ABCB5: variants seen among roughly 807,000 people sequenced by gnomAD.
ABCB5 encodes the protein ATP binding cassette subfamily B member 5.
A neutral mutation model predicts 144.2 loss-of-function variants in ABCB5; 155 were observed. The observed-to-expected ratio is 1.08, with a 90% CI of 0.94 to 1.23. ABCB5 has a LOEUF of 1.23. ABCB5 is among the 50% of genes most tolerant of loss of function. The pLI is 0.00. For synonymous variants in ABCB5, 610 were observed against 528.6 expected (o/e 1.15, Z -2.11); for missense variants, 1,830 against 1,520.8 (o/e 1.20, Z -3.38).
rs942401306 is a variant in ABCB5 at position 20,727,254 on chromosome 7, A to G, written c.2726+114A>G. 3 of 610,588 alleles carry G rather than the reference A, an allele frequency of 4.9e-6. No homozygotes were observed. In the African/African-American group the frequency reaches 5.7e-5, roughly 12 times the overall value. The allele number at this position is 610,588 out of a possible 1,614,324, so 37.8% of individuals were successfully genotyped here. ...TTCATTTGCTCTTGAGCCTTTCCTA[A>G]TAATGTCATGTCATAATTTCTCATA... is the stretch of plus-strand genomic sequence containing the variant. On this transcript the variant is annotated intron_variant, in intron 22 of 27. Coordinates refer to ENST00000404938, the MANE Select transcript of ABCB5 (RefSeq NM_001163941.2).
rs766944185 is a variant in ABCB5 at position 20,745,390 on chromosome 7, A to G, written c.3381A>G (p.Glu1127=). 1.9e-6 allele frequency: 3 copies of G among 1,614,242 alleles called. No homozygotes were observed. The highest frequency in any genetic ancestry group is 2.5e-6 in the Non-Finnish European group (3 of 1,180,038). ...SRVVPLDEIK[E]AANAANIHSF... ...TGGTGCCATTAGATGAGATCAAAGA[A>G]GCCGCAAATGCAGCAAATATCCATT... Residue 1127 remains glutamate (E), a synonymous_variant, in exon 26 of 28, where the codon GAA becomes GAG. Transcript: ENST00000404938.
chr7:20,753,365 CA>C lies in ABCB5; in HGVS notation c.3437del (p.Asn1146ThrfsTer6). On this transcript the variant is annotated frameshift_variant, in exon 27 of 28. Coordinates refer to ENST00000404938, the MANE Select transcript of ABCB5 (RefSeq NM_001163941.2). LOFTEE classifies it high-confidence loss of function. ...ATTGCATGCTCCTGTGATAGAAATA[CA>C]ACACACAAGTTGGACTGAAAGGAGC... The part of the protein sequence containing the change: ...SFIEGLPEKY[N>X]TQVGLKGAQL... 3.7e-6 allele frequency: 6 copies of C among 1,611,336 alleles called. No homozygotes were observed. Among genetic ancestry groups the C allele is most frequent in the Non-Finnish European group, 5.1e-6 (6 of 1,178,554 alleles).
intron 7 of ABCB5, 123 bp from the exon 8 acceptor site, chr7:20,645,633 C>A: frequency 8.2e-7 from 1 of 1,222,686 alleles, no homozygotes; most frequent in Non-Finnish European, 1.1e-6. Flanking sequence ...TTTAAAAATA[C>A]AGAGATAAAG....
chr7:20,681,780 G>C, intron 15 of ABCB5, 114 bp downstream of exon 15: 1 of 1,177,248 alleles, frequency 8.5e-7, no homozygotes, highest in South Asian at 1.6e-5. Flanking sequence ...AAGCAACCAA[G>C]GTTTATAGTT....
Position 20,755,579 on chromosome 7 carries a change from T to G in ABCB5, c.3729T>G (p.Asn1243Lys). 1.9e-6 allele frequency: 3 copies of G among 1,614,162 alleles called. No homozygotes were observed. The highest frequency in any genetic ancestry group is 2.5e-6 in the Non-Finnish European group (3 of 1,180,020). Residue 1243 changes from asparagine (N) to lysine (K), a missense_variant, in exon 28 of 28, where the codon AAT becomes AAG. By Grantham distance (94) the Asn-to-Lys change is moderately conservative. Transcript: ENST00000404938. Reference sequence around the variant, plus strand: ...GAACTCATCAAGAGCTCCTGAGAAATCGAGACATATATTTTAAGTTAGTGA... The same window carrying G: ...GAACTCATCAAGAGCTCCTGAGAAAGCGAGACATATATTTTAAGTTAGTGA... ...EQGTHQELLR[N>K]RDIYFKLVNA...
chr7:20,737,591 T>G (rs1356120856), intron 23 of ABCB5, among the ~76,000 whole-genome samples: 1 of 152,172 alleles, frequency 6.6e-6, no homozygotes, highest in Non-Finnish European at 1.5e-5. Context: ...AGAAGCTATT[T>G]TCTCAGTTAT....
At chr7:20,664,956 C>T (rs1785125229) in intron 14 of ABCB5, among the ~76,000 whole-genome samples, 1 of 151,948 alleles carries the variant, frequency 6.6e-6, no homozygotes, top group African/African-American at 2.4e-5. Context: ...TTTAAAAGTT[C>T]AATGAAGAGA....
chr7:20,626,644 A>G (rs1470048929), intron 3 of ABCB5, 33 bp downstream of exon 3: 5 of 1,558,292 alleles, frequency 3.2e-6, no homozygotes, highest in African/African-American at 2.7e-5. Flanking sequence ...TACATGCATT[A>G]GAAGATTTTA....
chr7:20,690,738 C>T (rs1222998570), intron 16 of ABCB5, among the ~76,000 whole-genome samples: 1 of 152,124 alleles, frequency 6.6e-6, no homozygotes, highest in Non-Finnish European at 1.5e-5. Flanking sequence ...GAATGAGAGT[C>T]AGGACCCTGC....
chr7:20,651,980 T>C (rs993964944), intron 13 of ABCB5, among the ~76,000 whole-genome samples: 1 of 152,088 alleles, frequency 6.6e-6, no homozygotes, highest in Non-Finnish European at 1.5e-5. Context: ...GAAGAATGCA[T>C]AGTAACAACC....
intron 20 of ABCB5, among the ~76,000 whole-genome samples, chr7:20,708,084 G>C (rs1240137665): frequency 6.6e-6 from 1 of 152,060 alleles, no homozygotes; most frequent in Non-Finnish European, 1.5e-5. Context: ...GATTACAGGC[G>C]TGAGCCACCG....
intron 1 of ABCB5, among the ~76,000 whole-genome samples, chr7:20,618,837 C>T (rs1355117932): frequency 1.0e-4 from 13 of 124,508 alleles, no homozygotes; most frequent in East Asian, 2.8e-4. Flanking sequence ...TGCAGTGGCA[C>T]GATCTCAGCT....
intron 20 of ABCB5, among the ~76,000 whole-genome samples, chr7:20,711,790 T>TC (rs1787053199): frequency 2.2e-5 from 1 of 46,060 alleles, no homozygotes; most frequent in African/African-American, 1.0e-4. Context: ...CTTTCTTTCT[T>TC]TCTTTCTTTC....
rs543797293 is a variant in ABCB5, at chr7:20,743,949, A to G, written c.3222+875A>G. On this transcript the variant is annotated intron_variant, in intron 25 of 27. Transcript: ENST00000404938. Reference sequence around the variant, plus strand: ...TAGAACATACCAGTCTATGCCATCAATCAGGTCCTTCATGCCCTGGCCCCT... The same window carrying G: ...TAGAACATACCAGTCTATGCCATCAGTCAGGTCCTTCATGCCCTGGCCCCT... Among the ~76,000 whole-genome samples the G allele has an allele frequency of 2.0e-5, 3 of 152,180 alleles. No individual in the cohort carries two copies. The East Asian group carries it at 5.8e-4, about 29-fold the overall frequency.
At chr7:20,680,559 G>C (rs974069334) in intron 14 of ABCB5, among the ~76,000 whole-genome samples, 1 of 142,666 alleles carries the variant, frequency 7.0e-6, no homozygotes, top group African/African-American at 2.7e-5. Context: ...GACAGAGCCA[G>C]ACTCCGTCTC....
chr7:20,628,943 T>A, intron 4 of ABCB5, 105 bp downstream of exon 4: 1 of 1,310,642 alleles, frequency 7.6e-7, no homozygotes, highest in Non-Finnish European at 1.0e-6. Context: ...TAAAACAGTA[T>A]CTGTATAATA....
chr7:20,735,525 T>G (rs1030048458), intron 23 of ABCB5, among the ~76,000 whole-genome samples: 2 of 152,224 alleles, frequency 1.3e-5, no homozygotes, highest in African/African-American at 4.8e-5. Context: ...CTTTCCATGT[T>G]GGCTGCCATG....
intron 20 of ABCB5, among the ~76,000 whole-genome samples, chr7:20,716,503 A>C (rs576338471): frequency 1.5e-3 from 235 of 151,730 alleles, no homozygotes; most frequent in Non-Finnish European, 2.9e-3. Flanking sequence ...GGCAAAGACC[A>C]ATTTTTTTTT....
intron 16 of ABCB5, among the ~76,000 whole-genome samples, chr7:20,689,305 T>A (rs1442519572): frequency 6.6e-6 from 1 of 152,156 alleles, no homozygotes; most frequent in African/African-American, 2.4e-5. Context: ...GTTCACTGGA[T>A]GGCAGAGCAG....
Sources: allele counts gnomAD v4.1 joint callset (sites outside exome capture counted in the v4.1 genomes callset), GRCh38; gene constraint gnomAD v4.1.1; transcripts MANE v1.5; gene names NCBI Gene and HGNC (gene_info 2026-07-23, HGNC 2026-07-21).